The following ZCCHC4 variants were observed in gnomAD, a reference collection of about 807,000 sequenced individuals.
ZCCHC4 encodes the protein zinc finger CCHC-type containing 4, also known as rRNA N(6)-adenosine-methyltransferase ZCCHC4.
A neutral mutation model predicts 67.7 loss-of-function variants in ZCCHC4; 54 were observed. The observed-to-expected ratio is 0.80, with a 90% confidence interval of 0.64 to 1.00. ZCCHC4 has a LOEUF of 1.00. ZCCHC4 is among the 50% of genes least tolerant of loss of function. The pLI is 0.00. For missense variants in ZCCHC4, 609 were observed against 617.0 expected, an observed-to-expected ratio of 0.99 and a Z score of 0.14; for synonymous variants, 198 against 213.5, an observed-to-expected ratio of 0.93 and a Z score of 0.63.
At chr4:25,326,226 G>GT (rs1718879321) in intron 3 of ZCCHC4, among the ~76,000 whole-genome samples, 1 of 152,184 alleles carries the variant, frequency 6.6e-6, no homozygotes, top group African/African-American at 2.4e-5. Context: ...CCCGTGCTCC[G>GT]TTTTTATAGC....
Position 25,333,385 on chromosome 4 carries a change from C to T in ZCCHC4, c.532C>T (p.Arg178Trp), listed in dbSNP as rs373321070. ...KTNAQYLFAD[R>W]SCQFLVDLLS... is the part of the protein sequence containing the mutation. ...AAATGCCCAGTATCTGTTTGCTGAT[C>T]GGAGCTGTCAGTTCTTGGTAGACTT... The change falls in exon 4 of 13, where the codon CGG becomes TGG. Residue 178 changes from arginine to tryptophan, a missense_variant. Physicochemically the swap from Arg to Trp is moderately radical, Grantham distance 101. Coordinates refer to ENST00000302874, the MANE Select transcript of ZCCHC4 (RefSeq NM_024936.3). 58 of 1,613,970 alleles carry T rather than the reference C, an allele frequency of 3.6e-5. No individual in the cohort carries two copies. In the Middle Eastern group the frequency reaches 4.9e-4, roughly 14 times the overall value.
chr4:25,331,507 A>G (rs1719180418), intron 3 of ZCCHC4, among the ~76,000 whole-genome samples: 1 of 152,036 alleles, frequency 6.6e-6, no homozygotes, highest in Admixed American at 6.6e-5. Flanking sequence ...AGTCTCAACT[A>G]TGTTGCCCAG....
intron 3 of ZCCHC4, among the ~76,000 whole-genome samples, chr4:25,316,638 G>A (rs1398625331): frequency 7.7e-6 from 1 of 129,998 alleles, no homozygotes; most frequent in African/African-American, 2.7e-5. Flanking sequence ...AAATGTCTGA[G>A]TCCTTTATCT....
At position 25,349,439 on chromosome 4, in the gene ZCCHC4, A is replaced by G. The variant is rs890229709; in HGVS notation, c.760-53A>G. The G allele has an allele frequency of 5.7e-6, 9 of 1,567,160 alleles. No individual in the cohort carries two copies. The African/African-American group carries it at 1.1e-4, about 19-fold the overall frequency. Reference sequence around the variant, plus strand: ...TCTAATGCATTCTCCTCCAAATAGGATGAAGTGCCTCTCTCTAGTCCTAAT... The same window carrying G: ...TCTAATGCATTCTCCTCCAAATAGGGTGAAGTGCCTCTCTCTAGTCCTAAT... On this transcript the variant is annotated intron_variant, in intron 6 of 12. Transcript: ENST00000302874.
chr4:25,366,792 C>T (rs1454683898), intron 12 of ZCCHC4, among the ~76,000 whole-genome samples: 3 of 152,116 alleles, frequency 2.0e-5, no homozygotes, highest in African/African-American at 7.2e-5. Flanking sequence ...CATTTTGATA[C>T]TCTATTGTAG....
intron 3 of ZCCHC4, among the ~76,000 whole-genome samples, chr4:25,332,106 G>A (rs1719213168): frequency 6.6e-6 from 1 of 152,100 alleles, no homozygotes; most frequent in Non-Finnish European, 1.5e-5. Context: ...TCAGGAGTTT[G>A]AGACCAGCCT....
At chr4:25,314,236 C>G in intron 2 of ZCCHC4, 72 bp downstream of exon 2, 1 of 943,844 alleles carries the variant, frequency 1.1e-6, no homozygotes, top group Non-Finnish European at 1.7e-6. Flanking sequence ...ACGTGTAAAC[C>G]AATAAAAATA....
At chr4:25,346,431 G>A (rs1720024423) in intron 6 of ZCCHC4, among the ~76,000 whole-genome samples, 1 of 152,100 alleles carries the variant, frequency 6.6e-6, no homozygotes, top group African/African-American at 2.4e-5. Context: ...AAGACACCTT[G>A]AAGCATACCC....
At position 25,349,725 on chromosome 4, in the gene ZCCHC4, G is replaced by A. The variant is rs955886594; in HGVS notation, c.910+83G>A. On this transcript the variant is annotated intron_variant, in intron 7 of 12. Coordinates refer to ENST00000302874, the MANE Select transcript of ZCCHC4 (RefSeq NM_024936.3). ...TATTAGCTGAGCTCAGTGAATCAGA[G>A]CAGTGATAGAATATACATGTCTTGA... 12 of 1,427,554 alleles carry A rather than the reference G, an allele frequency of 8.4e-6. No individual in the cohort carries two copies. The Admixed American group carries it at 1.0e-4, about 12-fold the overall frequency. 88.4% of individuals were successfully genotyped at this position (1,427,554 alleles called of 1,614,324 possible). A position where few individuals can be genotyped will look rare whatever the true frequency, so the allele number is the denominator to read the frequency against.
intron 3 of ZCCHC4, among the ~76,000 whole-genome samples, chr4:25,328,648 C>G (rs536178723): frequency 6.6e-6 from 1 of 152,216 alleles, no homozygotes; most frequent in Admixed American, 6.5e-5. Context: ...GTGGTGCAAT[C>G]ATGGCTCACT....
At chr4:25,353,072 A>G (rs1720374029) in intron 8 of ZCCHC4, among the ~76,000 whole-genome samples, 1 of 152,208 alleles carries the variant, frequency 6.6e-6, no homozygotes, top group African/African-American at 2.4e-5. Flanking sequence ...ATAAGTATAC[A>G]TTTTTAAACA....
intron 3 of ZCCHC4, among the ~76,000 whole-genome samples, chr4:25,332,044 A>G (rs1209016226): frequency 6.6e-6 from 1 of 152,230 alleles, no homozygotes. Flanking sequence ...GTGATGGCTC[A>G]TGCCTGTAAT....
At chr4:25,362,008 C>T (rs1048295382) in intron 9 of ZCCHC4, 28 bp downstream of exon 9, 3 of 1,593,444 alleles carry the variant, frequency 1.9e-6, no homozygotes, top group African/African-American at 2.7e-5. Flanking sequence ...CTTTGAAGTA[C>T]ACAAGTCACT....
rs958906135 is a variant in ZCCHC4, at chr4:25,321,949, A to G, written c.329+6549A>G. Reference sequence around the variant, plus strand: ...TAACTCTCCACCTGTAGTTCCAGCCATGCACAACACTTGCCTGAAGACATG... The same window carrying G: ...TAACTCTCCACCTGTAGTTCCAGCCGTGCACAACACTTGCCTGAAGACATG... On this transcript the variant is annotated intron_variant, in intron 3 of 12. Transcript: ENST00000302874. Among the ~76,000 whole-genome samples the G allele has an allele frequency of 3.9e-5, 6 of 152,250 alleles. No individual in the cohort carries two copies. In the East Asian group the frequency reaches 9.6e-4, roughly 24 times the overall value.
intron 3 of ZCCHC4, among the ~76,000 whole-genome samples, chr4:25,321,066 C>T (rs1400241545): frequency 6.6e-6 from 1 of 152,208 alleles, no homozygotes; most frequent in African/African-American, 2.4e-5. Flanking sequence ...AAACCCGATA[C>T]AACTTCCTCT....
intron 3 of ZCCHC4, among the ~76,000 whole-genome samples, chr4:25,325,223 G>A (rs56294974): frequency 0.33 from 32,502 of 99,302 alleles, 7,127 homozygotes; most frequent in Non-Finnish European, 0.47. Context: ...CAGCCTGGGC[G>A]ACAGGGAGAC....
chr4:25,331,747 A>G (rs533806766), intron 3 of ZCCHC4, among the ~76,000 whole-genome samples: 17 of 152,290 alleles, frequency 1.1e-4, no homozygotes, highest in Non-Finnish European at 1.9e-4. Context: ...AATTACTAAG[A>G]AGTTTCTTCT....
intron 12 of ZCCHC4, 76 bp from the exon 13 acceptor site, chr4:25,368,953 A>G (rs910072065): frequency 2.0e-6 from 3 of 1,482,756 alleles, no homozygotes; most frequent in Admixed American, 2.3e-5. Flanking sequence ...TTGGTTAGCT[A>G]GTTAATTAAA....
chr4:25,341,625 C>G (rs1002759366), intron 5 of ZCCHC4, among the ~76,000 whole-genome samples: 3 of 152,176 alleles, frequency 2.0e-5, no homozygotes, highest in African/African-American at 7.2e-5. Flanking sequence ...ATAAATTACC[C>G]AATCTCAGGT....
Sources: gnomAD v4.1 joint callset for allele counts (sites outside exome capture counted in the v4.1 genomes callset) on GRCh38, gnomAD v4.1.1 for gene constraint, MANE v1.5 for transcripts, NCBI Gene and HGNC (gene_info 2026-07-23, HGNC 2026-07-21) for gene names.